FHIT: variants seen among roughly 807,000 people sequenced by gnomAD.
FHIT encodes fragile histidine triad diadenosine triphosphatase.
A neutral mutation model predicts 17.9 loss-of-function variants in FHIT; 19 were observed. The ratio of observed to expected loss-of-function variants is 1.06; its 90% CI spans 0.74 to 1.56. FHIT has a LOEUF of 1.56. Ranked by LOEUF, FHIT falls within the 40% of genes most tolerant of loss-of-function variation. FHIT has a pLI of 0.00. For missense variants in FHIT, 248 were observed against 189.2 expected (o/e 1.31, Z -1.82); for synonymous variants, 81 against 69.7 (o/e 1.16, Z -0.81).
At chr3:60,107,805 T>G (rs1400117345) in intron 5 of FHIT, among the ~76,000 whole-genome samples, 2 of 152,242 alleles carry the variant, frequency 1.3e-5, no homozygotes, top group Non-Finnish European at 2.9e-5. Context: ...ACTTTAACAC[T>G]ATCCATAAGA....
intron 5 of FHIT, among the ~76,000 whole-genome samples, chr3:60,427,214 T>C (rs909956423): frequency 6.6e-6 from 1 of 152,066 alleles, no homozygotes; most frequent in Non-Finnish European, 1.5e-5. Flanking sequence ...GAGATAGCCA[T>C]GTGGCGGAGA....
intron 8 of FHIT, among the ~76,000 whole-genome samples, chr3:59,755,863 T>TTATC (rs1246189215): frequency 6.6e-6 from 1 of 150,878 alleles, no homozygotes; most frequent in Non-Finnish European, 1.5e-5. Flanking sequence ...GGGAAAGAGG[T>TTATC]TATCTACGGA....
At chr3:59,908,841 T>C (rs1381328101) in intron 8 of FHIT, among the ~76,000 whole-genome samples, 1 of 150,874 alleles carries the variant, frequency 6.6e-6, no homozygotes, top group Non-Finnish European at 1.5e-5. Context: ...TCAAGAACAT[T>C]TCATTTTTTA....
intron 1 of FHIT, among the ~76,000 whole-genome samples, chr3:61,206,531 C>A (rs1259209308): frequency 6.6e-6 from 1 of 152,160 alleles, no homozygotes; most frequent in South Asian, 2.1e-4. Context: ...AGAGGTCCTT[C>A]CCCTCCCTTG....
chr3:59,958,871 T>A (rs552934294), intron 7 of FHIT, among the ~76,000 whole-genome samples: 1 of 151,996 alleles, frequency 6.6e-6, no homozygotes, highest in East Asian at 1.9e-4. Context: ...TTATATAAAG[T>A]GGTCAGGCTC....
chr3:60,346,600 C>G (rs1576511607), intron 5 of FHIT, among the ~76,000 whole-genome samples: 1 of 152,148 alleles, frequency 6.6e-6, no homozygotes, highest in African/African-American at 2.4e-5. Context: ...TTCTTTTTTC[C>G]TTTTCGCCAA....
At chr3:60,254,728 T>G (rs1305877537) in intron 5 of FHIT, among the ~76,000 whole-genome samples, 1 of 152,146 alleles carries the variant, frequency 6.6e-6, no homozygotes, top group East Asian at 1.9e-4. Context: ...TACAATCCAC[T>G]CCCCTACCCA....
At chr3:60,731,618 T>C (rs2042031843) in intron 4 of FHIT, among the ~76,000 whole-genome samples, 1 of 152,136 alleles carries the variant, frequency 6.6e-6, no homozygotes, top group African/African-American at 2.4e-5. Context: ...CTATCAAGCG[T>C]CCCTATAAGG....
intron 5 of FHIT, among the ~76,000 whole-genome samples, chr3:60,085,927 A>C (rs1259532644): frequency 1.3e-5 from 2 of 152,182 alleles, no homozygotes; most frequent in Non-Finnish European, 2.9e-5. Flanking sequence ...GGATATGATC[A>C]GTCTTAGTCC....
intron 8 of FHIT, among the ~76,000 whole-genome samples, chr3:59,921,935 A>G (rs1705424932): frequency 1.3e-5 from 2 of 152,350 alleles, no homozygotes; most frequent in South Asian, 4.1e-4. Context: ...GTTGGGAAAG[A>G]CAAGCTGAGT....
intron 5 of FHIT, among the ~76,000 whole-genome samples, chr3:60,312,512 AC>A (rs1467135997): frequency 6.6e-6 from 1 of 152,100 alleles, no homozygotes; most frequent in Non-Finnish European, 1.5e-5. Context: ...CTAACCCAAA[AC>A]CAGTGGTCAT....
intron 5 of FHIT, among the ~76,000 whole-genome samples, chr3:60,182,547 C>T (rs1701982128): frequency 6.6e-6 from 1 of 152,002 alleles, no homozygotes; most frequent in Admixed American, 6.6e-5. Context: ...GAGGCTGAGG[C>T]AGGCAGACAG....
At chr3:60,512,496 A>G (rs960865921) in intron 5 of FHIT, among the ~76,000 whole-genome samples, 1 of 152,210 alleles carries the variant, frequency 6.6e-6, no homozygotes, top group Non-Finnish European at 1.5e-5. Flanking sequence ...TCTCCTTTAC[A>G]ATAAATTCAG....
intron 5 of FHIT, among the ~76,000 whole-genome samples, chr3:60,534,491 G>C (rs1276291795): frequency 7.1e-6 from 1 of 141,394 alleles, no homozygotes; most frequent in East Asian, 2.0e-4. Context: ...TAACATGGCA[G>C]AGTTTATAAA....
intron 5 of FHIT, among the ~76,000 whole-genome samples, chr3:60,297,350 A>G (rs750256316): frequency 3.3e-5 from 5 of 152,060 alleles, no homozygotes; most frequent in African/African-American, 9.7e-5. Flanking sequence ...TACAAATTCT[A>G]TACATTTTTT....
chr3:61,101,283 A>T (rs1039325500), intron 2 of FHIT, among the ~76,000 whole-genome samples: 2 of 152,242 alleles, frequency 1.3e-5, no homozygotes, highest in Non-Finnish European at 2.9e-5. Flanking sequence ...ACATATGGCT[A>T]GCCAGTTTTC....
At chr3:60,234,559 T>G (rs1340350947) in intron 5 of FHIT, among the ~76,000 whole-genome samples, 4 of 152,210 alleles carry the variant, frequency 2.6e-5, no homozygotes, top group Non-Finnish European at 4.4e-5. Flanking sequence ...TTGCTAAATG[T>G]ATTGTTGCCA....
At chr3:60,795,568 G>T (rs552089711) in intron 4 of FHIT, among the ~76,000 whole-genome samples, 26 of 151,092 alleles carry the variant, frequency 1.7e-4, no homozygotes, top group Admixed American at 8.5e-4. Flanking sequence ...AGGCTGGAGT[G>T]CAGTGGCACG....
At chr3:59,997,269 C>T (rs1018156132) in intron 7 of FHIT, among the ~76,000 whole-genome samples, 1 of 152,116 alleles carries the variant, frequency 6.6e-6, no homozygotes, top group South Asian at 2.1e-4. Context: ...GAAAGTAATA[C>T]ATTTTCTTTC....
Sources: allele counts gnomAD v4.1 joint callset (sites outside exome capture counted in the v4.1 genomes callset), GRCh38; gene constraint gnomAD v4.1.1; transcripts MANE v1.5; gene names NCBI Gene and HGNC (gene_info 2026-07-23, HGNC 2026-07-21).